Variants in SCART1 observed in about 807,000 individuals in gnomAD.
SCART1 encodes scavenger receptor cysteine-rich domain-containing protein SCART1.
Under a neutral mutation model 36.2 loss-of-function variants are expected in SCART1, and 62 were observed. That is an observed-to-expected ratio of 1.71 (90% CI 1.40 to 2.12). The LOEUF (loss-of-function observed/expected upper bound fraction) is 2.12. Among genes scored for constraint, SCART1 ranks in the 30% most tolerant of loss-of-function variants. The pLI, the probability that SCART1 is intolerant of heterozygous loss-of-function variation, is 0.00. For missense variants in SCART1, 1,041 were observed against 540.5 expected, an observed-to-expected ratio of 1.93 and a Z score of -9.18; for synonymous variants, 487 against 238.7, an observed-to-expected ratio of 2.04 and a Z score of -9.59.
exon 9 of SCART1, chr10:133,465,270 G>A (rs1335208166): frequency 1.5e-6 from 1 of 689,636 alleles, no homozygotes; most frequent in Admixed American, 2.0e-5. Context: ...CACTGCGCGT[G>A]CGCGGGGGCG....
At chr10:133,462,157 G>A (rs966271614) in intron 6 of SCART1, among the ~76,000 whole-genome samples, 1 of 152,222 alleles carries the variant, frequency 6.6e-6, no homozygotes, top group Non-Finnish European at 1.5e-5. Flanking sequence ...CCCACGTGTG[G>A]GCAGGTGGAC....
intron 4 of SCART1, 156 bp downstream of exon 4, chr10:133,458,812 A>G (rs1191346514): frequency 1.2e-5 from 8 of 665,484 alleles, no homozygotes; most frequent in Non-Finnish European, 2.1e-5. Context: ...CTGGGTGTAG[A>G]GTGATGTACC....
intron 6 of SCART1, among the ~76,000 whole-genome samples, chr10:133,462,872 C>T (rs1415794277): frequency 1.3e-5 from 2 of 152,160 alleles, no homozygotes; most frequent in African/African-American, 2.4e-5. Context: ...GACTGGGGCC[C>T]AGACTCAGTG....
exon 2 of SCART1, chr10:133,456,404 A>G (rs1301890862): frequency 7.1e-6 from 5 of 702,676 alleles, no homozygotes; most frequent in Non-Finnish European, 1.3e-5. Flanking sequence ...GGGCGCCCCC[A>G]AGTATGTCCC....
chr10:133,454,220 T>C (rs1589932439), intron 1 of SCART1, among the ~76,000 whole-genome samples, 156 bp downstream of exon 1: 1 of 151,824 alleles, frequency 6.6e-6, no homozygotes, highest in African/African-American at 2.4e-5. Flanking sequence ...AGGAGGGAGG[T>C]GACTCCACAT....
rs770031852 is a variant in SCART1, at chr10:133,465,101, C to T, written c.2276-5C>T. ...AAGCTCTCAGAGCTGCTGTTTAACC[C>T]GCAGGATTGTCAGAGGACAGGCCAC... On this transcript the variant is annotated splice_polypyrimidine_tract_variant and splice_region_variant and intron_variant, in intron 7 of 11. Transcript: ENST00000640237. 11 of 703,038 alleles carry T rather than the reference C, an allele frequency of 1.6e-5. No homozygotes were observed. Among genetic ancestry groups the T allele is most frequent in the South Asian group, 8.9e-5 (6 of 67,594 alleles). The allele number at this position is 703,038 out of a possible 1,614,324, so 43.5% of individuals were successfully genotyped here. A position where few individuals can be genotyped will look rare whatever the true frequency, so the allele number is the denominator to read the frequency against.
intron 6 of SCART1, among the ~76,000 whole-genome samples, chr10:133,464,000 C>G (rs1850733780): frequency 6.6e-6 from 1 of 152,108 alleles, no homozygotes; most frequent in Non-Finnish European, 1.5e-5. Context: ...CCTCTAGTAT[C>G]CTCTGTTCTG....
chr10:133,456,833 C>T (rs1000441425), intron 2 of SCART1, among the ~76,000 whole-genome samples: 7 of 152,090 alleles, frequency 4.6e-5, no homozygotes, highest in South Asian at 4.1e-4. Context: ...AGGCAGCAGC[C>T]GAGCGGGGGC....
At chr10:133,464,982 A>C in intron 7 of SCART1, 71 bp downstream of exon 7, 1 of 701,844 alleles carries the variant, frequency 1.4e-6, no homozygotes, top group Non-Finnish European at 2.6e-6. Context: ...ATCTGTCCTG[A>C]CAGGTCACTT....
chr10:133,465,299 G>A (rs1021940619), exon 9 of SCART1: 16 of 684,294 alleles, frequency 2.3e-5, no homozygotes, highest in African/African-American at 5.3e-5. Flanking sequence ...TGCTCCGGGC[G>A]CGTGGAGCTC....
downstream of SCART1, among the ~76,000 whole-genome samples, chr10:133,469,758 A>G (rs749048630): frequency 4.6e-5 from 7 of 152,196 alleles, no homozygotes; most frequent in Non-Finnish European, 8.8e-5. Context: ...AAAATTTGCA[A>G]GAGTTTATGT....
At chr10:133,465,727 G>T in intron 9 of SCART1, 162 bp downstream of exon 9, 1 of 626,808 alleles carries the variant, frequency 1.6e-6, no homozygotes. Context: ...TGCTGTGGAG[G>T]CCTGTTTGGG....
At chr10:133,463,872 T>G (rs1274521057) in intron 6 of SCART1, among the ~76,000 whole-genome samples, 1 of 152,156 alleles carries the variant, frequency 6.6e-6, no homozygotes, top group African/African-American at 2.4e-5. Context: ...TATAATATAC[T>G]GTTAATTACA....
exon 7 of SCART1, chr10:133,464,766 G>A (rs1305449728): frequency 2.8e-6 from 2 of 702,308 alleles, no homozygotes; most frequent in Non-Finnish European, 5.2e-6. Context: ...GGGGAGTGGG[G>A]CTGGCTGGAG....
rs975243261 is a variant in SCART1, at chr10:133,464,961, G to A, written c.2275+50G>A. The A allele has an allele frequency of 8.5e-6, 6 of 702,680 alleles. No individual in the cohort carries two copies. The African/African-American group carries it at 8.7e-5, about 10-fold the overall frequency. 43.5% of individuals were successfully genotyped at this position (702,680 alleles called of 1,614,324 possible). A position where few individuals can be genotyped will look rare whatever the true frequency, so the allele number is the denominator to read the frequency against. On this transcript the variant is annotated intron_variant, in intron 7 of 11. Coordinates refer to ENST00000640237, the Ensembl canonical transcript of SCART1. ...CATTAGAGGTCTCTGGGGGTGCCTG[G>A]GAAGAGGTTTATCTGTCCTGACAGG...
chr10:133,460,512 T>TATTTAA (rs1850688864), intron 6 of SCART1, among the ~76,000 whole-genome samples: 1 of 114,158 alleles, frequency 8.8e-6, no homozygotes, highest in African/African-American at 3.6e-5. Flanking sequence ...AAAAATATTT[T>TATTTAA]ATATTTATTT....
intron 6 of SCART1, among the ~76,000 whole-genome samples, chr10:133,461,884 C>T (rs1850706347): frequency 6.6e-6 from 1 of 152,198 alleles, no homozygotes; most frequent in Non-Finnish European, 1.5e-5. Flanking sequence ...CAGCATTTTC[C>T]TCCGGTGGCT....
exon 8 of SCART1, chr10:133,465,123 C>T (rs892138188): frequency 2.8e-6 from 2 of 702,956 alleles, no homozygotes; most frequent in Non-Finnish European, 5.2e-6. Context: ...AGAGGACAGG[C>T]CACAGGCTGC....
At chr10:133,464,752 G>A (rs935665105) in exon 7 of SCART1, 13 of 701,008 alleles carry the variant, frequency 1.9e-5, no homozygotes, top group Non-Finnish European at 2.6e-5. Context: ...GGGGTGTGGG[G>A]TGTGGGGAGT....
Sources: allele counts gnomAD v4.1 joint callset (sites outside exome capture counted in the v4.1 genomes callset), GRCh38; gene constraint gnomAD v4.1.1; transcripts MANE v1.5; gene names NCBI Gene and HGNC (gene_info 2026-07-23, HGNC 2026-07-21).